KALRN: variants seen among roughly 807,000 people sequenced by gnomAD.
The protein encoded by KALRN is kalirin RhoGEF kinase.
KALRN carries 70 observed loss-of-function variants against 353.7 expected under a neutral mutation model. The ratio of observed to expected loss-of-function variants is 0.20; its 90% CI spans 0.16 to 0.24. KALRN has a LOEUF of 0.24. Among genes scored for constraint, KALRN ranks in the 10% least tolerant of loss-of-function variants. The pLI is 1.00. For missense variants in KALRN, 2,791 were observed against 3,756.7 expected (o/e 0.74, Z 6.72); for synonymous variants, 1,391 against 1,434.8 (o/e 0.97, Z 0.69).
chr3:124,483,017 G>A (rs1561090393), intron 28 of KALRN, 117 bp downstream of exon 28: 5 of 738,186 alleles, frequency 6.8e-6, no homozygotes, highest in Middle Eastern at 3.3e-4. Context: ...TTCTACCTAG[G>A]GCAGAACTTC....
intron 1 of KALRN, among the ~76,000 whole-genome samples, chr3:124,084,485 A>G (rs180875776): frequency 2.6e-4 from 40 of 152,346 alleles, no homozygotes; most frequent in Admixed American, 2.6e-3. Context: ...CTTGCTCAGG[A>G]AAAGCACATG....
At chr3:124,470,581 AGAGCCGATGTAG>A (rs1386371321) in intron 25 of KALRN, among the ~76,000 whole-genome samples, 1 of 152,194 alleles carries the variant, frequency 6.6e-6, no homozygotes, top group Non-Finnish European at 1.5e-5. Context: ...TAAATCCTAT[AGAGCCGATGTAG>A]GATTTGCCAT....
intron 1 of KALRN, chr3:124,082,224 G>A (rs1283254693): frequency 1.7e-5 from 8 of 469,742 alleles, no homozygotes; most frequent in South Asian, 3.1e-5. Context: ...CTTCATTGAG[G>A]AAAAGTTCTT....
At chr3:124,403,439 G>A (rs1048478023) in intron 13 of KALRN, among the ~76,000 whole-genome samples, 13 of 152,156 alleles carry the variant, frequency 8.5e-5, no homozygotes, top group Non-Finnish European at 1.9e-4. Flanking sequence ...GAAAATATGG[G>A]CCACCTTTAT....
intron 37 of KALRN, among the ~76,000 whole-genome samples, chr3:124,642,806 G>GTTTTTTTGTTGTTGTTTTTTTTTT (rs1553707032): frequency 5.2e-5 from 5 of 96,820 alleles, no homozygotes; most frequent in East Asian, 4.8e-4. Flanking sequence ...CCCAAGCCTC[G>GTTTTTTTGTTGTTGTTTTTTTTTT]TTTTTTTTTT....
chr3:124,048,210 G>A (rs1464424932), intron 1 of KALRN, among the ~76,000 whole-genome samples: 1 of 151,992 alleles, frequency 6.6e-6, no homozygotes, highest in Admixed American at 6.5e-5. Context: ...TGTTTGGAGG[G>A]GTAAAGGTAT....
intron 1 of KALRN, among the ~76,000 whole-genome samples, chr3:124,076,564 T>A (rs2060269992): frequency 6.6e-6 from 1 of 152,180 alleles, no homozygotes; most frequent in African/African-American, 2.4e-5. Flanking sequence ...TGAGGGAAAA[T>A]CACTCCCAAC....
chr3:124,416,624 C>T (rs951585574), intron 14 of KALRN, among the ~76,000 whole-genome samples: 1 of 152,196 alleles, frequency 6.6e-6, no homozygotes, highest in Non-Finnish European at 1.5e-5. Flanking sequence ...GCAGGGGAGG[C>T]ATCTAACTTA....
chr3:124,604,155 A>T (rs71323874), intron 34 of KALRN, among the ~76,000 whole-genome samples: 1,298 of 74,982 alleles, frequency 0.017, 19 homozygotes, highest in African/African-American at 0.061. Flanking sequence ...TTTTTTTTTT[A>T]AATTTATTAT....
chr3:124,413,807 T>A (rs2092335043), intron 14 of KALRN, 142 bp downstream of exon 14: 5 of 759,976 alleles, frequency 6.6e-6, no homozygotes, highest in African/African-American at 1.8e-5. Context: ...ACATTTTTTT[T>A]AAAAGAAAGG....
chr3:124,440,136 T>G (rs1314948710), intron 18 of KALRN, among the ~76,000 whole-genome samples: 1 of 152,126 alleles, frequency 6.6e-6, no homozygotes, highest in African/African-American at 2.4e-5. Flanking sequence ...AATCAGCTCT[T>G]ACTAGTAAGA....
chr3:124,385,106 C>T, intron 11 of KALRN, 70 bp downstream of exon 11: 2 of 1,395,198 alleles, frequency 1.4e-6, no homozygotes, highest in South Asian at 1.4e-5. Context: ...GTAAAATGGC[C>T]CTGAAGGTCT....
intron 1 of KALRN, among the ~76,000 whole-genome samples, chr3:124,109,188 A>G (rs2149483223): frequency 6.6e-6 from 1 of 152,102 alleles, no homozygotes; most frequent in South Asian, 2.1e-4. Flanking sequence ...ATTGTCAGTT[A>G]TTATCTCTGT....
intron 14 of KALRN, among the ~76,000 whole-genome samples, chr3:124,420,454 A>T (rs1445725412): frequency 1.3e-5 from 2 of 152,230 alleles, no homozygotes; most frequent in African/African-American, 4.8e-5. Context: ...TCCAGAAAGT[A>T]AAGATAAGGG....
At chr3:124,272,901 C>G (rs2074317459) in intron 5 of KALRN, among the ~76,000 whole-genome samples, 1 of 152,134 alleles carries the variant, frequency 6.6e-6, no homozygotes, top group Non-Finnish European at 1.5e-5. Context: ...GAGTGTGGAT[C>G]CACATCTAAA....
chr3:124,491,633 G>A (rs1304946168), intron 31 of KALRN: 2 of 388,856 alleles, frequency 5.1e-6, no homozygotes, highest in Non-Finnish European at 9.1e-6. Context: ...TCAAGTGCAT[G>A]CACATGTGTG....
At chr3:124,092,335 C>G (rs1040151065) in intron 1 of KALRN, among the ~76,000 whole-genome samples, 1 of 152,328 alleles carries the variant, frequency 6.6e-6, no homozygotes, top group Non-Finnish European at 1.5e-5. Context: ...TCCCCTGCCC[C>G]TCTCTGTCTA....
chr3:124,466,055 TG>T (rs1357287694), intron 25 of KALRN, among the ~76,000 whole-genome samples: 1 of 151,764 alleles, frequency 6.6e-6, no homozygotes, highest in African/African-American at 2.4e-5. Flanking sequence ...TGTGTGTGTG[TG>T]TGTGTGTGTG....
intron 10 of KALRN, among the ~76,000 whole-genome samples, chr3:124,376,051 A>G (rs2086545573): frequency 6.6e-6 from 1 of 152,216 alleles, no homozygotes; most frequent in South Asian, 2.1e-4. Flanking sequence ...AGCATTTTAG[A>G]TATAAAGAAA....
Sources: allele counts gnomAD v4.1 joint callset (sites outside exome capture counted in the v4.1 genomes callset), GRCh38; gene constraint gnomAD v4.1.1; transcripts MANE v1.5; gene names NCBI Gene and HGNC (gene_info 2026-07-23, HGNC 2026-07-21).